Variants in PHF3 observed in about 807,000 individuals in gnomAD.
The protein encoded by PHF3 is PHD finger protein 3.
A neutral mutation model predicts 178.4 loss-of-function variants in PHF3; 41 were observed. The observed-to-expected ratio is 0.23, with a 90% confidence interval of 0.18 to 0.30. The LOEUF is 0.30. Ranked by LOEUF, PHF3 falls within the 10% of genes least tolerant of loss-of-function variation. The pLI is 1.00. For missense variants in PHF3, 2,346 were observed against 2,398.1 expected (o/e 0.98, Z 0.45); for synonymous variants, 842 against 800.5 (o/e 1.05, Z -0.88).
intron 4 of PHF3, among the ~76,000 whole-genome samples, chr6:63,690,140 A>G (rs1251566884): frequency 6.6e-6 from 1 of 152,186 alleles, no homozygotes; most frequent in Non-Finnish European, 1.5e-5. Context: ...TTATGGGCCC[A>G]TCAAAAATCT....
rs201516361 is a variant in PHF3 at position 63,711,803 on chromosome 6, A to G, written c.4215A>G (p.Val1405=). The part of the protein sequence containing the change: ...ENDFFNSFTT[V]LHKQRNKPQQ... ...ACTTTTTTAATTCTTTTACAACTGT[A>G]TTACACAAGCAGAGAAATAAACCTC... is the stretch of plus-strand genomic sequence containing the variant. Residue 1405 remains valine, a synonymous_variant, in exon 16 of 16, where the codon GTA becomes GTG. Transcript: ENST00000262043. The G allele has an allele frequency of 2.5e-5, 40 of 1,613,830 alleles. No individual in the cohort carries two copies. In the Admixed American group the frequency reaches 6.2e-4, roughly 25 times the overall value.
chr6:63,705,937 A>G, intron 11 of PHF3, 92 bp from the exon 12 acceptor site: 1 of 947,752 alleles, frequency 1.1e-6, no homozygotes, highest in Non-Finnish European at 1.5e-6. Context: ...CAATTGAATC[A>G]TAGAACCTGA....
At chr6:63,660,425 T>C (rs1354693159) in intron 2 of PHF3, among the ~76,000 whole-genome samples, 5 of 152,124 alleles carry the variant, frequency 3.3e-5, no homozygotes, top group African/African-American at 7.2e-5. Context: ...TTAACTTGGA[T>C]AATTTTTTTG....
chr6:63,659,238 A>C (rs1765366044), intron 2 of PHF3, among the ~76,000 whole-genome samples: 1 of 152,194 alleles, frequency 6.6e-6, no homozygotes, highest in African/African-American at 2.4e-5. Context: ...TATGTTGTAC[A>C]CCATAAACAT....
Position 63,709,222 on chromosome 6 carries a change from A to G in PHF3, c.3783A>G (p.Ile1261Met). Residue 1261 changes from isoleucine to methionine, a missense_variant, in exon 14 of 16, where the codon ATA becomes ATG. This residue lies in a region of PHF3 where 90 missense variants were observed against 136.6 expected (regional missense o/e 0.66). Coordinates refer to ENST00000262043, the MANE Select transcript of PHF3 (RefSeq NM_001370348.2). Reference protein sequence around the residue: ...PQTVWDYVEKIKASGTKEICV... With the variant: ...PQTVWDYVEKMKASGTKEICV... ...CAGTTTGGGATTATGTGGAAAAAATAAAAGCATCAGGAACCAAGGTGAGGA... is the reference window on the plus strand; with the variant it reads ...CAGTTTGGGATTATGTGGAAAAAATGAAAGCATCAGGAACCAAGGTGAGGA... The G allele has an allele frequency of 6.2e-7, 1 of 1,611,468 alleles. No individual in the cohort carries two copies. The highest frequency in any genetic ancestry group is 8.5e-7 in the Non-Finnish European group (1 of 1,178,044).
intron 4 of PHF3, among the ~76,000 whole-genome samples, chr6:63,690,664 A>C (rs1051301964): frequency 6.6e-6 from 1 of 152,160 alleles, no homozygotes; most frequent in Non-Finnish European, 1.5e-5. Flanking sequence ...GTTAAAGTAC[A>C]TACCTAAATC....
At position 63,679,987 on chromosome 6, in the gene PHF3, C is replaced by T. The variant is rs756267185; in HGVS notation, c.245-13C>T. The T allele has an allele frequency of 1.2e-5, 19 of 1,601,790 alleles. No individual in the cohort carries two copies. Among genetic ancestry groups the T allele is most frequent in the East Asian group, 4.5e-5 (2 of 44,624 alleles). On this transcript the variant is annotated splice_polypyrimidine_tract_variant and intron_variant, in intron 2 of 15. Transcript: ENST00000262043. Reference sequence around the variant, plus strand: ...TATTTTTAAAAGTTAATTTTTTTGTCGTTTTTTTCTAGTTGTTGGTCTTGA... The same window carrying T: ...TATTTTTAAAAGTTAATTTTTTTGTTGTTTTTTTCTAGTTGTTGGTCTTGA...
At position 63,721,843 on chromosome 6, in the gene PHF3, T is replaced by C; in HGVS notation, c.*8135T>C. ...AGTTTGATTAGCAACAGTAAAAGTTTCCATTGAAAACTTTTGCTGTTTCTG... is the reference window on the plus strand; with the variant it reads ...AGTTTGATTAGCAACAGTAAAAGTTCCCATTGAAAACTTTTGCTGTTTCTG... On this transcript the variant is annotated 3_prime_UTR_variant, in exon 16 of 16. Coordinates refer to ENST00000262043, the MANE Select transcript of PHF3 (RefSeq NM_001370348.2). 1 of 1,491,358 alleles carries C rather than the reference T, an allele frequency of 6.7e-7. No homozygotes were observed. The highest frequency in any genetic ancestry group is 8.9e-7 in the Non-Finnish European group (1 of 1,121,122). 92.4% of individuals were successfully genotyped at this position (1,491,358 alleles called of 1,614,324 possible). A position where few individuals can be genotyped will look rare whatever the true frequency, so the allele number is the denominator to read the frequency against.
intron 14 of PHF3, among the ~76,000 whole-genome samples, chr6:63,709,751 ATACATAGCT>A (rs1767847230): frequency 6.6e-6 from 1 of 152,192 alleles, no homozygotes; most frequent in African/African-American, 2.4e-5. Flanking sequence ...ATAGCCATCC[ATACATAGCT>A]GCTAGGGAGG....
Position 63,703,576 on chromosome 6 carries a change from C to T in PHF3, c.3272C>T (p.Ser1091Phe). 1.2e-6 allele frequency: 2 copies of T among 1,612,716 alleles called. No homozygotes were observed. Among genetic ancestry groups the T allele is most frequent in the South Asian group, 2.2e-5 (2 of 90,770 alleles). The change falls in exon 11 of 16, where the codon TCT (serine) becomes TTT (phenylalanine). Residue 1091 changes from serine (S) to phenylalanine (F), a missense_variant. Transcript: ENST00000262043. ...ANKSLEKPEGSEKQKEEVDSM... is the reference protein window; with the variant it reads ...ANKSLEKPEGFEKQKEEVDSM... ...AAGTCATTGGAGAAGCCAGAAGGAT[C>T]TGAAAAACAAAAAGAGGAGGTTGAC...
chr6:63,683,412 T>A (rs977333458), intron 3 of PHF3, among the ~76,000 whole-genome samples: 1 of 152,120 alleles, frequency 6.6e-6, no homozygotes, highest in African/African-American at 2.4e-5. Flanking sequence ...AATGAAACTC[T>A]TTTCATTTAA....
Position 63,685,001 on chromosome 6 carries a change from A to C in PHF3, c.1279A>C (p.Ser427Arg), listed in dbSNP as rs770908929. Residue 427 changes from serine to arginine, a missense_variant, in exon 4 of 16, where the codon AGT becomes CGT. Coordinates refer to ENST00000262043, the MANE Select transcript of PHF3 (RefSeq NM_001370348.2). ...ATCAAACTTAGAGGTGGTTGATACTAGTACTTTTGGACCGGAAAGTAATAT... is the reference window on the plus strand; with the variant it reads ...ATCAAACTTAGAGGTGGTTGATACTCGTACTTTTGGACCGGAAAGTAATAT... ...NKSNLEVVDT[S>R]TFGPESNILE... 5 of 1,613,986 alleles carry C rather than the reference A, an allele frequency of 3.1e-6. No homozygotes were observed. In the East Asian group the frequency reaches 8.9e-5, roughly 29 times the overall value.
At chr6:63,667,779 T>A (rs997822696) in intron 2 of PHF3, among the ~76,000 whole-genome samples, 3 of 152,350 alleles carry the variant, frequency 2.0e-5, no homozygotes, top group African/African-American at 7.2e-5. Flanking sequence ...AGTTTTAGAT[T>A]TTTTAAACTG....
intron 4 of PHF3, among the ~76,000 whole-genome samples, chr6:63,688,118 G>A (rs1479447718): frequency 1.4e-5 from 2 of 147,138 alleles, no homozygotes; most frequent in South Asian, 2.2e-4. Context: ...CCCGGGAGGC[G>A]GAGCTTGCAG....
In PHF3 at chr6:63,721,513, C is replaced by A; in HGVS notation, c.*7805C>A. On this transcript the variant is annotated 3_prime_UTR_variant, in exon 16 of 16. Coordinates refer to ENST00000262043, the MANE Select transcript of PHF3 (RefSeq NM_001370348.2). ...ATACAGCCTTGAAAACCTACAGGTT[C>A]ATTTTCTATTGCCATGGGATTTACA... 1 of 1,551,202 alleles carries A rather than the reference C, an allele frequency of 6.4e-7. No individual in the cohort carries two copies. The highest frequency in any genetic ancestry group is 1.4e-5 in the African/African-American group (1 of 73,138).
intron 2 of PHF3, among the ~76,000 whole-genome samples, chr6:63,673,196 C>CTGTT (rs1765997326): frequency 6.6e-6 from 1 of 152,040 alleles, no homozygotes; most frequent in Admixed American, 6.5e-5. Flanking sequence ...GCAGAAACAG[C>CTGTT]ACCGCTAACA....
In PHF3 at chr6:63,703,544, C is replaced by T. The variant is rs200207329; in HGVS notation, c.3240C>T (p.Ala1080=). ...ACTTTGACTTACGTTAGGAACCAGC[C>T]GCCAATAAGTCATTGGAGAAGCCAG... ...QEAAMEIQEP[A]ANKSLEKPEG... is the part of the protein sequence containing the mutation. The change falls in exon 11 of 16, where the codon GCC becomes GCT. Residue 1080 remains alanine (A), a synonymous_variant. Transcript: ENST00000262043. 64 of 1,604,516 alleles carry T rather than the reference C, an allele frequency of 4.0e-5. No individual in the cohort carries two copies. The highest frequency in any genetic ancestry group is 1.3e-4 in the East Asian group (6 of 44,484).
chr6:63,721,793 A>G lies in PHF3; in HGVS notation c.*8085A>G, dbSNP rs777532787. ...TATTTACTAAAGAGATGCATAAAAA[A>G]TCACCTGCAAGAAAGCAAACAGTAA... On this transcript the variant is annotated 3_prime_UTR_variant, in exon 16 of 16. Transcript: ENST00000262043. 5 of 1,539,984 alleles carry G rather than the reference A, an allele frequency of 3.2e-6. No homozygotes were observed. The highest frequency in any genetic ancestry group is 3.5e-6 in the Non-Finnish European group (4 of 1,141,320).
At chr6:63,643,671 A>G (rs778959765) in intron 1 of PHF3, among the ~76,000 whole-genome samples, 7 of 152,224 alleles carry the variant, frequency 4.6e-5, no homozygotes, top group African/African-American at 1.2e-4. Context: ...ACTTCAGTCT[A>G]TCTCCACTTG....
Sources: allele counts gnomAD v4.1 joint callset (sites outside exome capture counted in the v4.1 genomes callset), GRCh38; gene constraint gnomAD v4.1.1; regional missense constraint gnomAD v4.1.1; transcripts MANE v1.5; gene names NCBI Gene and HGNC (gene_info 2026-07-23, HGNC 2026-07-21).